Variants in SLIT2 observed in about 807,000 individuals in gnomAD.
The protein encoded by SLIT2 is slit guidance ligand 2.
In SLIT2, 41 loss-of-function variants were observed where a neutral mutation model predicts 185.7. The observed-to-expected ratio is 0.22, with a 90% CI of 0.17 to 0.29. The LOEUF (loss-of-function observed/expected upper bound fraction) is 0.29. Among genes scored for constraint, SLIT2 ranks in the 10% least tolerant of loss-of-function variants. SLIT2 has a pLI of 1.00. For missense variants in SLIT2, 1,571 were observed against 1,909.0 expected (o/e 0.82, Z 3.30); for synonymous variants, 693 against 680.2 (o/e 1.02, Z -0.29).
In SLIT2 at chr4:20,393,090, C is replaced by T. The variant is rs555686581; in HGVS notation, c.396-74662C>T. 1.1e-4 allele frequency among the ~76,000 whole-genome samples: 16 copies of T among 152,164 alleles called. 1 individual carries two copies. Among genetic ancestry groups the T allele is most frequent in the Admixed American group, 1.1e-3 (16 of 15,232 alleles). Reference sequence around the variant, plus strand: ...ACTTAAGTAACGCATTACACTAAGACGTCACAATGACTACCACATCACGGG... The same window carrying T: ...ACTTAAGTAACGCATTACACTAAGATGTCACAATGACTACCACATCACGGG... On this transcript the variant is annotated intron_variant, in intron 4 of 36. Coordinates refer to ENST00000504154, the MANE Select transcript of SLIT2 (RefSeq NM_004787.4).
intron 4 of SLIT2, among the ~76,000 whole-genome samples, chr4:20,362,939 A>G (rs920478382): frequency 6.6e-6 from 1 of 151,306 alleles, no homozygotes; most frequent in East Asian, 1.9e-4. Context: ...TTTTTTTTTA[A>G]AAAAGGGATT....
chr4:20,275,762 A>G (rs919332935), intron 4 of SLIT2, among the ~76,000 whole-genome samples: 20 of 152,172 alleles, frequency 1.3e-4, no homozygotes, highest in African/African-American at 4.6e-4. Context: ...TAGTTTTAAA[A>G]TTCATCTATA....
intron 8 of SLIT2, 74 bp downstream of exon 8, chr4:20,489,056 C>A: frequency 8.1e-7 from 1 of 1,227,362 alleles, no homozygotes. Context: ...GGGCTGCATG[C>A]GTCAAAGGTT....
At chr4:20,499,342 T>C (rs542668342) in intron 9 of SLIT2, among the ~76,000 whole-genome samples, 1 of 152,328 alleles carries the variant, frequency 6.6e-6, no homozygotes, top group East Asian at 1.9e-4. Context: ...TCTGTTCATT[T>C]CTGTTTAGAT....
At chr4:20,440,520 A>G (rs1348171152) in intron 4 of SLIT2, among the ~76,000 whole-genome samples, 1 of 152,182 alleles carries the variant, frequency 6.6e-6, no homozygotes, top group Non-Finnish European at 1.5e-5. Flanking sequence ...CAGCTGATAT[A>G]TACGGCCCTA....
intron 34 of SLIT2, among the ~76,000 whole-genome samples, chr4:20,614,246 A>G (rs1266752041): frequency 1.3e-5 from 2 of 152,262 alleles, no homozygotes; most frequent in South Asian, 4.1e-4. Context: ...ATGGGGAAGA[A>G]AATCAAAAAA....
chr4:20,501,372 G>A (rs1411024039), intron 9 of SLIT2, among the ~76,000 whole-genome samples: 2 of 151,922 alleles, frequency 1.3e-5, no homozygotes, highest in African/African-American at 4.8e-5. Flanking sequence ...TGCAACCTCC[G>A]CCTCCAGGGC....
chr4:20,473,889 A>G (rs1257839174), intron 5 of SLIT2, among the ~76,000 whole-genome samples: 1 of 152,054 alleles, frequency 6.6e-6, no homozygotes, highest in Non-Finnish European at 1.5e-5. Flanking sequence ...GTTAGGTCAT[A>G]ATTGCAAAAT....
rs1374873688 is a variant in SLIT2 at position 20,405,921 on chromosome 4, T to TCGAACAATGGATTATCATATA, written c.396-61831_396-61830insCGAACAATGGATTATCATATA. On this transcript the variant is annotated intron_variant, in intron 4 of 36. Transcript: ENST00000504154. ...CAGCAACAATAATATTCACAAACATTACCTTGGCTGTTCTTGGTCTTCTTA... is the reference window on the plus strand; with the variant it reads ...CAGCAACAATAATATTCACAAACATTCGAACAATGGATTATCATATAACCTTGGCTGTTCTTGGTCTTCTTA... Among the ~76,000 whole-genome samples the TCGAACAATGGATTATCATATA allele has an allele frequency of 6.0e-4, 87 of 145,886 alleles. 5 individuals are homozygous for TCGAACAATGGATTATCATATA. The highest frequency in any genetic ancestry group is 3.6e-3 in the East Asian group (15 of 4,134).
chr4:20,400,992 A>G (rs1430619552), intron 4 of SLIT2, among the ~76,000 whole-genome samples: 2 of 151,854 alleles, frequency 1.3e-5, no homozygotes, highest in Non-Finnish European at 2.9e-5. Flanking sequence ...GGTTGGAGCT[A>G]CTTAGGGCAC....
At chr4:20,279,815 T>C (rs73803852) in intron 4 of SLIT2, among the ~76,000 whole-genome samples, 9,555 of 152,268 alleles carry the variant, frequency 0.063, 577 homozygotes, top group African/African-American at 0.16. Context: ...ATATAATGGG[T>C]TGTCACATAT....
intron 4 of SLIT2, among the ~76,000 whole-genome samples, chr4:20,351,052 C>CTT (rs71181559): frequency 1.1e-3 from 157 of 143,160 alleles, no homozygotes; most frequent in East Asian, 8.2e-3. Flanking sequence ...TTCTTTTTTT[C>CTT]TTTTTTTTTT....
At chr4:20,422,892 A>T (rs1281167316) in intron 4 of SLIT2, among the ~76,000 whole-genome samples, 1 of 150,742 alleles carries the variant, frequency 6.6e-6, no homozygotes, top group African/African-American at 2.4e-5. Context: ...TTTTTTCCCC[A>T]TGTGGCACTA....
In SLIT2 at chr4:20,253,401, G is replaced by C. The variant is rs994786030; in HGVS notation, c.-415G>C. On this transcript the variant is annotated 5_prime_UTR_variant, in exon 1 of 37. Transcript: ENST00000504154. ...CCACTGGCATCGGATTTGCAGAAGCGTGCGTGGGATCAGAGGACCGCCCTC... is the reference window on the plus strand; with the variant it reads ...CCACTGGCATCGGATTTGCAGAAGCCTGCGTGGGATCAGAGGACCGCCCTC... 42 of 201,322 alleles carry C rather than the reference G, an allele frequency of 2.1e-4. No individual in the cohort carries two copies. Among genetic ancestry groups the C allele is most frequent in the Non-Finnish European group, 3.8e-4 (38 of 99,020 alleles). 12.5% of individuals were successfully genotyped at this position (201,322 alleles called of 1,614,324 possible).
intron 4 of SLIT2, among the ~76,000 whole-genome samples, chr4:20,440,618 A>G (rs1185110945): frequency 6.6e-6 from 1 of 152,238 alleles, no homozygotes; most frequent in Non-Finnish European, 1.5e-5. Flanking sequence ...AAATAATCTC[A>G]TCTGTTTAAT....
chr4:20,434,582 A>T (rs1443707058), intron 4 of SLIT2, among the ~76,000 whole-genome samples: 1 of 152,218 alleles, frequency 6.6e-6, no homozygotes, highest in African/African-American at 2.4e-5. Flanking sequence ...AAAGAGTCTT[A>T]CGACTACAGG....
At chr4:20,316,079 A>C (rs1032031743) in intron 4 of SLIT2, among the ~76,000 whole-genome samples, 2 of 152,042 alleles carry the variant, frequency 1.3e-5, no homozygotes, top group African/African-American at 4.8e-5. Context: ...AATGTGAGCT[A>C]GGCAAAACAT....
At chr4:20,259,136 T>C (rs550910473) in intron 3 of SLIT2, among the ~76,000 whole-genome samples, 18 of 151,830 alleles carry the variant, frequency 1.2e-4, no homozygotes, top group African/African-American at 4.3e-4. Flanking sequence ...TTAAAATCAC[T>C]ACTTTCAACT....
At chr4:20,556,766 G>A (rs2148899446) in intron 26 of SLIT2, among the ~76,000 whole-genome samples, 1 of 152,116 alleles carries the variant, frequency 6.6e-6, no homozygotes, top group Middle Eastern at 3.4e-3. Context: ...AGCAAGGAAG[G>A]CCACGTTGAA....
Sources: allele counts gnomAD v4.1 joint callset (sites outside exome capture counted in the v4.1 genomes callset), GRCh38; gene constraint gnomAD v4.1.1; transcripts MANE v1.5; gene names NCBI Gene and HGNC (gene_info 2026-07-23, HGNC 2026-07-21).